Variants in SCO2 observed in about 807,000 individuals in gnomAD.
The protein encoded by SCO2 is synthesis of cytochrome C oxidase 2.
For missense variants in SCO2, 429 were observed against 348.7 expected, an observed-to-expected ratio of 1.23 and a Z score of -1.83; for synonymous variants, 195 against 148.6, an observed-to-expected ratio of 1.31 and a Z score of -2.27.
At chr22:50,525,994 C>A (rs1435005658), upstream of SCO2, 2 of 1,413,390 alleles carry the variant, frequency 1.4e-6, no homozygotes, top group Admixed American at 3.0e-5. Context: ...GCGGGGGCGG[C>A]GCTCACCACG....
chr22:50,524,600 C>G, intron 1 of SCO2, 176 bp from the exon 2 acceptor site: 2 of 720,000 alleles, frequency 2.8e-6, no homozygotes, highest in Non-Finnish European at 5.1e-6. Flanking sequence ...AACATCCACA[C>G]CTGGGCAACC....
In SCO2 at chr22:50,524,223, G is replaced by T; in HGVS notation, c.189C>A (p.Ile63=). The part of the protein sequence containing the change: ...QGPGLRTRLL[I]TGLFGAGLGG... Reference sequence around the variant, plus strand: ...CGAGTCCAGCCCCGAACAGGCCTGTGATCAGCAGCCGGGTTCGAAGCCCAG... The same window carrying T: ...CGAGTCCAGCCCCGAACAGGCCTGTTATCAGCAGCCGGGTTCGAAGCCCAG... Residue 63 remains isoleucine (I), a synonymous_variant, in exon 2 of 2, where the codon ATC becomes ATA. Coordinates refer to ENST00000395693, the MANE Select transcript of SCO2 (RefSeq NM_005138.3). 6 of 1,607,984 alleles carry T rather than the reference G, an allele frequency of 3.7e-6. No homozygotes were observed. The highest frequency in any genetic ancestry group is 5.1e-6 in the Non-Finnish European group (6 of 1,179,902).
chr22:50,524,629 C>T, intron 1 of SCO2: 1 of 708,804 alleles, frequency 1.4e-6, no homozygotes, highest in Non-Finnish European at 2.6e-6. Context: ...CACTCCTGTC[C>T]TCTACCTGGG....
rs1181659523 is a variant in SCO2, at chr22:50,525,556, G to A, written c.-98C>T. 4.3e-6 allele frequency: 3 copies of A among 696,958 alleles called. No individual in the cohort carries two copies. Among genetic ancestry groups the A allele is most frequent in the Non-Finnish European group, 7.1e-6 (3 of 425,262 alleles). 43.2% of individuals were successfully genotyped at this position (696,958 alleles called of 1,614,324 possible). ...CCCTGCGCTCTGCCCCGCCGGCTCA[G>A]GGAAAGCGGGCGCCACACGCTCACA... On this transcript the variant is annotated 5_prime_UTR_variant, in exon 1 of 2. Coordinates refer to ENST00000395693, the MANE Select transcript of SCO2 (RefSeq NM_005138.3).
chr22:50,525,415 C>T (rs564298199), intron 1 of SCO2, 57 bp downstream of exon 1: 1 of 342,662 alleles, frequency 2.9e-6, no homozygotes, highest in African/African-American at 2.3e-5. Context: ...GAAACTACCC[C>T]GGAGTCCAGC....
rs1185289264 is a variant in SCO2 at position 50,523,586 on chromosome 22, A to G, written c.*25T>C. On this transcript the variant is annotated 3_prime_UTR_variant, in exon 2 of 2. Coordinates refer to ENST00000395693, the MANE Select transcript of SCO2 (RefSeq NM_005138.3). Reference sequence around the variant, plus strand: ...ACACAGATTAAACGCAGCCCGTTTAATGATGGGGCCCAGACTGCAGTGGCT... The same window carrying G: ...ACACAGATTAAACGCAGCCCGTTTAGTGATGGGGCCCAGACTGCAGTGGCT... 6.2e-7 allele frequency: 1 copy of G among 1,611,916 alleles called. No homozygotes were observed. Among genetic ancestry groups the G allele is most frequent in the Non-Finnish European group, 8.5e-7 (1 of 1,179,496 alleles).
At position 50,524,048 on chromosome 22, in the gene SCO2, G is replaced by A. The variant is rs1358061279; in HGVS notation, c.364C>T (p.Gln122Ter). The change falls in exon 2 of 2, where the codon CAG (glutamine) becomes TAG (stop). Residue 122 changes from glutamine (Q) to a stop codon, truncating the protein, a stop_gained. Transcript: ENST00000395693. LOFTEE classifies it low-confidence loss of function (END_TRUNC). Reference sequence around the variant, plus strand: ...AAGCCAAAGTACATCAGCACCCACTGGCCCCGGAAGTCAGCCTTGCAGCGA... The same window carrying A: ...AAGCCAAAGTACATCAGCACCCACTAGCCCCGGAAGTCAGCCTTGCAGCGA... ...RARCKADFRG[Q>*]WVLMYFGFTH... is the part of the protein sequence containing the mutation. 1 of 1,613,472 alleles carries A rather than the reference G, an allele frequency of 6.2e-7. No homozygotes were observed. The highest frequency in any genetic ancestry group is 8.5e-7 in the Non-Finnish European group (1 of 1,180,032).
At position 50,523,698 on chromosome 22, in the gene SCO2, C is replaced by T. The variant is rs754644513; in HGVS notation, c.714G>A (p.Thr238=). 61 of 1,614,062 alleles carry T rather than the reference C, an allele frequency of 3.8e-5. No homozygotes were observed. The highest frequency in any genetic ancestry group is 1.6e-4 in the Middle Eastern group (1 of 6,084). ...IYLLNPDGLF[T]DYYGRSRSAE... is the part of the protein sequence containing the mutation. ...CCGATCTGCTCCGGCCGTAGTAATCCGTGAAGAGGCCGTCAGGGTTGAGCA... is the reference window on the plus strand; with the variant it reads ...CCGATCTGCTCCGGCCGTAGTAATCTGTGAAGAGGCCGTCAGGGTTGAGCA... Residue 238 remains threonine, a synonymous_variant, in exon 2 of 2, where the codon ACG becomes ACA. Coordinates refer to ENST00000395693, the MANE Select transcript of SCO2 (RefSeq NM_005138.3).
rs749910960 is a variant in SCO2 at position 50,523,922 on chromosome 22, A to C, written c.490T>G (p.Phe164Val). 2.5e-6 allele frequency: 4 copies of C among 1,613,230 alleles called. No individual in the cohort carries two copies. The highest frequency in any genetic ancestry group is 2.5e-6 in the Non-Finnish European group (3 of 1,179,658). ...TCCCGCTCGGGGTCCACAGTGATGA[A>C]GACAGGCTGCACTGGAGGCAAACCA... ...EPGLPPVQPV[F>V]ITVDPERDDV... The change falls in exon 2 of 2, where the codon TTC (phenylalanine) becomes GTC (valine). Residue 164 changes from phenylalanine to valine, a missense_variant. Coordinates refer to ENST00000395693, the MANE Select transcript of SCO2 (RefSeq NM_005138.3).
At chr22:50,526,266 T>C (rs2069369455), upstream of SCO2, 1 of 1,538,860 alleles carries the variant, frequency 6.5e-7, no homozygotes, top group Non-Finnish European at 8.7e-7. Flanking sequence ...CGCCAGCAGC[T>C]CCTCCTGCTC....
upstream of SCO2, chr22:50,525,671 G>T: frequency 6.5e-7 from 1 of 1,527,142 alleles, no homozygotes; most frequent in Non-Finnish European, 8.9e-7. Context: ...GGCGGAGCCC[G>T]CCGGGGGTCA....
In SCO2 at chr22:50,523,686, G is replaced by A; in HGVS notation, c.726C>T (p.Gly242=). Residue 242 remains glycine (G), a synonymous_variant, in exon 2 of 2, where the codon GGC becomes GGT. Transcript: ENST00000395693. ...NPDGLFTDYY[G]RSRSAEQISD... ...AGATCTGCTCAGCCGATCTGCTCCG[G>A]CCGTAGTAATCCGTGAAGAGGCCGT... 1 of 1,614,150 alleles carries A rather than the reference G, an allele frequency of 6.2e-7. No individual in the cohort carries two copies. The highest frequency in any genetic ancestry group is 8.5e-7 in the Non-Finnish European group (1 of 1,180,024).
upstream of SCO2, chr22:50,526,050 C>T (rs1569522039): frequency 2.0e-6 from 3 of 1,482,294 alleles, no homozygotes; most frequent in African/African-American, 1.5e-5. Context: ...CGCCCACCCC[C>T]AGGCGGAGCG....
At chr22:50,525,797 T>TGCGAAGGGCGAGGGGGCG (rs1215977021), upstream of SCO2, 2 of 1,610,816 alleles carry the variant, frequency 1.2e-6, no homozygotes, top group African/African-American at 1.3e-5. Flanking sequence ...GAACGAGCTC[T>TGCGAAGGGCGAGGGGGCG]GCGAAGGGCG....
At chr22:50,525,978 A>G, upstream of SCO2, 1 of 1,389,740 alleles carries the variant, frequency 7.2e-7, no homozygotes. Context: ...GTGCGGGGCC[A>G]GCAGGGCGGG....
Position 50,524,292 on chromosome 22 carries a change from C to T in SCO2, c.120G>A (p.Arg40=). 6.2e-7 allele frequency: 1 copy of T among 1,603,222 alleles called. No individual in the cohort carries two copies. Among genetic ancestry groups the T allele is most frequent in the African/African-American group, 1.3e-5 (1 of 75,030 alleles). Residue 40 remains arginine, a synonymous_variant, in exon 2 of 2, where the codon AGG becomes AGA. Coordinates refer to ENST00000395693, the MANE Select transcript of SCO2 (RefSeq NM_005138.3). Reference sequence around the variant, plus strand: ...GCCCACCTGTCTCTGCAGGGCCCTGCCTTGACAAAAGCCAGGACCTCAGAT... The same window carrying T: ...GCCCACCTGTCTCTGCAGGGCCCTGTCTTGACAAAAGCCAGGACCTCAGAT... The part of the protein sequence containing the change: ...ALHLRSWLLS[R]QGPAETGGQG...
intron 1 of SCO2, among the ~76,000 whole-genome samples, chr22:50,525,263 C>T (rs911682103): frequency 2.0e-5 from 3 of 152,248 alleles, no homozygotes; most frequent in Non-Finnish European, 4.4e-5. Context: ...ACTCGAAGCG[C>T]CGCGCGAGCG....
chr22:50,523,714 G>C lies in SCO2; in HGVS notation c.698C>G (p.Pro233Arg). 1 of 1,614,190 alleles carries C rather than the reference G, an allele frequency of 6.2e-7. No homozygotes were observed. Reference protein sequence around the residue: ...DHSIAIYLLNPDGLFTDYYGR... With the variant: ...DHSIAIYLLNRDGLFTDYYGR... Reference sequence around the variant, plus strand: ...GTAGTAATCCGTGAAGAGGCCGTCAGGGTTGAGCAGGTAGATGGCAATGGA... The same window carrying C: ...GTAGTAATCCGTGAAGAGGCCGTCACGGTTGAGCAGGTAGATGGCAATGGA... Residue 233 changes from proline (P) to arginine (R), a missense_variant, in exon 2 of 2, where the codon CCT becomes CGT. Coordinates refer to ENST00000395693, the MANE Select transcript of SCO2 (RefSeq NM_005138.3).
chr22:50,524,632 T>G, intron 1 of SCO2: 1 of 700,630 alleles, frequency 1.4e-6, no homozygotes. Context: ...TCCTGTCCTC[T>G]ACCTGGGATC....
Sources: gnomAD v4.1 joint callset for allele counts (sites outside exome capture counted in the v4.1 genomes callset) on GRCh38, gnomAD v4.1.1 for gene constraint, MANE v1.5 for transcripts, NCBI Gene and HGNC (gene_info 2026-07-23, HGNC 2026-07-21) for gene names.